The following PTPRR variants were observed in gnomAD, a reference collection of about 807,000 sequenced individuals.
The protein encoded by PTPRR is protein tyrosine phosphatase receptor type R, also known as receptor-type tyrosine-protein phosphatase R.
Under a neutral mutation model 77.2 loss-of-function variants are expected in PTPRR, and 38 were observed. The observed-to-expected ratio is 0.49, with a 90% CI of 0.38 to 0.65. The LOEUF is 0.65. Among genes scored for constraint, PTPRR ranks in the 30% least tolerant of loss-of-function variants. The probability of loss-of-function intolerance (pLI) is 0.00; values close to 1 mark genes in which losing one functional copy is unlikely to be tolerated. For missense variants in PTPRR, 744 were observed against 799.2 expected (o/e 0.93, Z 0.83); for synonymous variants, 299 against 283.1 (o/e 1.06, Z -0.57).
At chr12:70,889,189 C>T (rs899003661) in intron 2 of PTPRR, among the ~76,000 whole-genome samples, 4 of 152,156 alleles carry the variant, frequency 2.6e-5, no homozygotes, top group Non-Finnish European at 5.9e-5. Flanking sequence ...CTAAGCCCAT[C>T]CTTCGGGTAA....
At chr12:70,868,737 T>C (rs1592803731) in intron 2 of PTPRR, among the ~76,000 whole-genome samples, 2 of 152,004 alleles carry the variant, frequency 1.3e-5, no homozygotes, top group South Asian at 4.1e-4. Flanking sequence ...CACATGCACA[T>C]GTATGTTGAT....
intron 2 of PTPRR, among the ~76,000 whole-genome samples, chr12:70,802,607 C>G (rs571555099): frequency 6.6e-6 from 1 of 152,318 alleles, no homozygotes; most frequent in East Asian, 1.9e-4. Flanking sequence ...ATTGTCTTAT[C>G]TCTCTAAATT....
chr12:70,746,160 C>A (rs1890210002), intron 5 of PTPRR, 74 bp from the exon 6 acceptor site: 2 of 1,389,110 alleles, frequency 1.4e-6, no homozygotes, highest in African/African-American at 1.4e-5. Context: ...CTCCACCCCA[C>A]CCTGGCCGAC....
At chr12:70,865,360 C>A (rs1164487759) in intron 2 of PTPRR, among the ~76,000 whole-genome samples, 1 of 152,060 alleles carries the variant, frequency 6.6e-6, no homozygotes, top group Non-Finnish European at 1.5e-5. Flanking sequence ...TAAAGCAGAT[C>A]CTAAACATTA....
At chr12:70,743,528 G>A (rs1282836093) in intron 6 of PTPRR, among the ~76,000 whole-genome samples, 1 of 152,196 alleles carries the variant, frequency 6.6e-6, no homozygotes, top group African/African-American at 2.4e-5. Context: ...GGGTACAGCT[G>A]AAGGTAGAGG....
At position 70,764,290 on chromosome 12, in the gene PTPRR, C is replaced by T. The variant is rs115476340; in HGVS notation, c.471+375G>A. 5.2e-3 allele frequency among the ~76,000 whole-genome samples: 789 copies of T among 152,228 alleles called. 4 individuals are homozygous for T. The highest frequency in any genetic ancestry group is 0.018 in the African/African-American group (765 of 41,542). ...CTTACCTGATATAGAAGCTTTCACT[C>T]TAATGGAGAATATTTTCGGAGTAGT... On this transcript the variant is annotated intron_variant, in intron 3 of 13. Transcript: ENST00000283228.
intron 2 of PTPRR, among the ~76,000 whole-genome samples, chr12:70,807,386 CATT>C (rs1305180180): frequency 6.6e-6 from 1 of 152,114 alleles, no homozygotes; most frequent in Non-Finnish European, 1.5e-5. Flanking sequence ...TAAAAAAATG[CATT>C]ATTAAGAACT....
intron 2 of PTPRR, among the ~76,000 whole-genome samples, chr12:70,810,545 A>T (rs1689007725): frequency 6.6e-6 from 1 of 152,126 alleles, no homozygotes; most frequent in East Asian, 1.9e-4. Flanking sequence ...TTAAAAGATC[A>T]CTTTCTTGAA....
chr12:70,836,774 T>A (rs1565713796), intron 2 of PTPRR, among the ~76,000 whole-genome samples: 1 of 152,024 alleles, frequency 6.6e-6, no homozygotes, highest in Admixed American at 6.6e-5. Flanking sequence ...TGCTACTTTA[T>A]CAGGGAAGCT....
chr12:70,893,126 T>C, intron 1 of PTPRR, 149 bp from the exon 2 acceptor site: 5 of 878,808 alleles, frequency 5.7e-6, no homozygotes, highest in Admixed American at 2.9e-5. Context: ...GTCTGCTTCA[T>C]GATCCTCAAC....
chr12:70,812,500 A>G (rs1384414630), intron 2 of PTPRR, among the ~76,000 whole-genome samples: 2 of 152,198 alleles, frequency 1.3e-5, no homozygotes, highest in African/African-American at 4.8e-5. Context: ...GAATAGGTTT[A>G]TTTTCTGCCA....
chr12:70,767,122 T>C (rs370731820), intron 2 of PTPRR, among the ~76,000 whole-genome samples: 3 of 150,954 alleles, frequency 2.0e-5, no homozygotes, highest in African/African-American at 4.9e-5. Context: ...AGCAAAATAA[T>C]CAGCTAACAT....
chr12:70,780,719 C>T (rs986753564), intron 2 of PTPRR, among the ~76,000 whole-genome samples: 6 of 152,096 alleles, frequency 3.9e-5, no homozygotes, highest in African/African-American at 1.4e-4. Flanking sequence ...GGAGGAAATG[C>T]TTTATTCCCC....
chr12:70,704,208 G>A (rs1444264363), intron 6 of PTPRR, among the ~76,000 whole-genome samples: 1 of 151,968 alleles, frequency 6.6e-6, no homozygotes, highest in African/African-American at 2.4e-5. Context: ...GATCACTTGA[G>A]GCCAGGAGTT....
At chr12:70,885,344 C>A (rs1893219898) in intron 2 of PTPRR, among the ~76,000 whole-genome samples, 1 of 152,070 alleles carries the variant, frequency 6.6e-6, no homozygotes, top group African/African-American at 2.4e-5. Flanking sequence ...TTTTTAGCAG[C>A]TGTTAAAAGT....
At chr12:70,698,433 CT>C in intron 7 of PTPRR, 84 bp from the exon 8 acceptor site, 1 of 1,188,812 alleles carries the variant, frequency 8.4e-7, no homozygotes, top group Non-Finnish European at 1.2e-6. Flanking sequence ...ATCCAGAGTT[CT>C]ATTGGACTTC....
chr12:70,795,940 T>TTCTTTG (rs1436544409), intron 2 of PTPRR, among the ~76,000 whole-genome samples: 1 of 133,446 alleles, frequency 7.5e-6, no homozygotes, highest in African/African-American at 2.8e-5. Context: ...TTTTTTTTTT[T>TTCTTTG]TGACACAGAG....
intron 5 of PTPRR, among the ~76,000 whole-genome samples, chr12:70,746,810 C>T (rs772733785): frequency 1.1e-4 from 16 of 151,726 alleles, no homozygotes; most frequent in Non-Finnish European, 1.6e-4. Flanking sequence ...TATGCACCTA[C>T]GAGATAGAAC....
At chr12:70,689,754 C>T (rs1887993554) in intron 8 of PTPRR, among the ~76,000 whole-genome samples, 1 of 152,166 alleles carries the variant, frequency 6.6e-6, no homozygotes, top group Non-Finnish European at 1.5e-5. Context: ...GCCAAGCATG[C>T]TCCGTGCTGT....
Sources: gnomAD v4.1 joint callset for allele counts (sites outside exome capture counted in the v4.1 genomes callset) on GRCh38, gnomAD v4.1.1 for gene constraint, MANE v1.5 for transcripts, NCBI Gene and HGNC (gene_info 2026-07-23, HGNC 2026-07-21) for gene names.